Variants in PCNX2 observed in about 807,000 individuals in gnomAD.
The protein encoded by PCNX2 is pecanex 2, also known as pecanex-like protein 2.
A neutral mutation model predicts 223.8 loss-of-function variants in PCNX2; 168 were observed. The observed-to-expected ratio is 0.75, with a 90% confidence interval of 0.66 to 0.85. The LOEUF is 0.85. Among genes scored for constraint, PCNX2 ranks in the 40% least tolerant of loss-of-function variants. PCNX2 has a pLI of 0.00. For missense variants in PCNX2, 2,507 were observed against 2,675.5 expected (o/e 0.94, Z 1.39); for synonymous variants, 1,006 against 1,052.6 (o/e 0.96, Z 0.86).
intron 23 of PCNX2, among the ~76,000 whole-genome samples, chr1:233,079,462 A>C (rs193076727): frequency 1.2e-3 from 170 of 145,782 alleles, no homozygotes; most frequent in Non-Finnish European, 1.9e-3. Flanking sequence ...GAGGAGGAGG[A>C]GGTTGCAATG....
At chr1:233,165,538 T>C (rs1042383937) in intron 17 of PCNX2, among the ~76,000 whole-genome samples, 1 of 152,198 alleles carries the variant, frequency 6.6e-6, no homozygotes, top group Non-Finnish European at 1.5e-5. Flanking sequence ...TGGTATCTAA[T>C]TGTGGTTTTA....
Position 233,295,604 on chromosome 1 carries a change from G to GCCCCCGCCGCCT in PCNX2, c.-138_-127dup. 9.8e-7 allele frequency: 1 copy of GCCCCCGCCGCCT among 1,017,614 alleles called. No individual in the cohort carries two copies. Among genetic ancestry groups the GCCCCCGCCGCCT allele is most frequent in the Non-Finnish European group, 1.3e-6 (1 of 783,002 alleles). The allele number at this position is 1,017,614 out of a possible 1,614,324, so 63.0% of individuals were successfully genotyped here. A position where few individuals can be genotyped will look rare whatever the true frequency, so the allele number is the denominator to read the frequency against. ...CGCCCCCGCCGTCGCCGCCGCCGTC[G>GCCCCCGCCGCCT]CCCCCGCCGCCTCCTTCCACCCCAC... On this transcript the variant is annotated 5_prime_UTR_variant, in exon 1 of 34. Coordinates refer to ENST00000258229, the MANE Select transcript of PCNX2 (RefSeq NM_014801.4). The surrounding 1 kb of genome is among the most constrained non-coding windows in gnomAD (Gnocchi z 4.1).
chr1:233,290,478 C>T (rs1347508966), intron 1 of PCNX2, among the ~76,000 whole-genome samples: 1 of 152,158 alleles, frequency 6.6e-6, no homozygotes, highest in East Asian at 1.9e-4. Flanking sequence ...AAAATTATTT[C>T]AGCTTTGTTG....
rs1369640965 is a variant in PCNX2 at position 233,135,146 on chromosome 1, C to T, written c.3704G>A (p.Arg1235Gln). ...LMIIAGMKLL[R>Q]TSFCNPVYQF... ...GTAAACCGGGTTGCAGAATGATGTC[C>T]GCAACAGCTTCATGCCAGCAATGAT... The change falls in exon 21 of 34, where the codon CGG becomes CAG. Residue 1235 changes from arginine (R) to glutamine (Q), a missense_variant. Arg to Gln is a conservative substitution (Grantham distance 43). Transcript: ENST00000258229. 9 of 1,613,698 alleles carry T rather than the reference C, an allele frequency of 5.6e-6. No individual in the cohort carries two copies. Among genetic ancestry groups the T allele is most frequent in the Admixed American group, 3.3e-5 (2 of 59,984 alleles).
At chr1:233,278,491 T>C (rs1482406727) in intron 1 of PCNX2, among the ~76,000 whole-genome samples, 1 of 152,092 alleles carries the variant, frequency 6.6e-6, no homozygotes, top group East Asian at 1.9e-4. Context: ...ATCACCATGA[T>C]GGAAAGGGGG....
chr1:233,033,792 T>C (rs887966134), intron 25 of PCNX2, among the ~76,000 whole-genome samples: 9 of 152,238 alleles, frequency 5.9e-5, no homozygotes, highest in African/African-American at 1.9e-4. Context: ...CTAGAAACTC[T>C]TGAGGACTGG....
intron 25 of PCNX2, 165 bp from the exon 26 acceptor site, chr1:233,025,564 T>C (rs924838399): frequency 5.0e-6 from 4 of 799,596 alleles, no homozygotes; most frequent in Non-Finnish European, 7.7e-6. Flanking sequence ...GTCACAATTC[T>C]CATAATCATG....
intron 25 of PCNX2, among the ~76,000 whole-genome samples, chr1:233,032,696 G>A (rs1000488213): frequency 2.0e-5 from 3 of 152,018 alleles, no homozygotes; most frequent in Admixed American, 6.6e-5. Context: ...AGAAGATGGC[G>A]AATTTGAATT....
chr1:233,141,862 G>T (rs571054030), intron 19 of PCNX2, among the ~76,000 whole-genome samples: 1 of 151,820 alleles, frequency 6.6e-6, no homozygotes, highest in African/African-American at 2.4e-5. Context: ...GAATGGGCTA[G>T]GAATGGTGAG....
chr1:233,251,105 T>C (rs1157350449), intron 7 of PCNX2, among the ~76,000 whole-genome samples: 1 of 152,228 alleles, frequency 6.6e-6, no homozygotes, highest in Admixed American at 6.5e-5. Flanking sequence ...TATTATTTAA[T>C]TGCTTTTGAT....
At chr1:233,302,082 T>TATAGTG in the PCNX2 span, among the ~76,000 whole-genome samples, 7 of 151,930 alleles carry the variant, frequency 4.6e-5, no homozygotes, top group South Asian at 1.5e-3. Flanking sequence ...AGTGAACCAC[T>TATAGTG]GCGCCCAGCC....
At chr1:233,125,973 G>A (rs1167591485) in intron 21 of PCNX2, 1 of 152,280 alleles carries the variant, frequency 6.6e-6, no homozygotes, top group Non-Finnish European at 1.5e-5. Context: ...ACTTTGGGAG[G>A]CCGAGGCAGG....
chr1:233,244,648 T>C (rs576055973), intron 8 of PCNX2, among the ~76,000 whole-genome samples: 110 of 152,072 alleles, frequency 7.2e-4, no homozygotes, highest in Non-Finnish European at 5.1e-4. Flanking sequence ...GAGGCAGAAG[T>C]TGTGGTGAGC....
At chr1:233,004,002 G>T (rs887672522) in intron 28 of PCNX2, among the ~76,000 whole-genome samples, 13 of 152,108 alleles carry the variant, frequency 8.5e-5, no homozygotes, top group African/African-American at 2.4e-4. Flanking sequence ...GGGCCTGTTG[G>T]AGGGTGAGGG....
chr1:233,105,034 C>T (rs746038596), intron 21 of PCNX2, among the ~76,000 whole-genome samples: 3 of 152,066 alleles, frequency 2.0e-5, no homozygotes, highest in Non-Finnish European at 4.4e-5. Flanking sequence ...GAAGATATTG[C>T]CTTAAAATGT....
At position 233,016,851 on chromosome 1, in the gene PCNX2, A is replaced by G. The variant is rs1437129190; in HGVS notation, c.4839+70T>C. The G allele has an allele frequency of 1.2e-5, 19 of 1,554,296 alleles. No individual in the cohort carries two copies. The Admixed American group carries it at 3.1e-4, about 25-fold the overall frequency. On this transcript the variant is annotated intron_variant, in intron 27 of 33. Transcript: ENST00000258229. ...GTCTACCATAGAATATAAGAAAGAG[A>G]TGGACATGACAATGTTCTTTATTTA... is the stretch of plus-strand genomic sequence containing the variant.
At position 233,025,205 on chromosome 1, in the gene PCNX2, C is replaced by T. The variant is rs1326392273; in HGVS notation, c.4546G>A (p.Ala1516Thr). 2.5e-6 allele frequency: 4 copies of T among 1,613,968 alleles called. No homozygotes were observed. The highest frequency in any genetic ancestry group is 2.2e-5 in the South Asian group (2 of 91,080). ...LEGYSILDNNAATMLQVFDLR... is the reference protein window; with the variant it reads ...LEGYSILDNNTATMLQVFDLR... ...TCAAACACCTGCAGCATGGTGGCCG[C>T]GTTGTTGTCCAGGATGCTGTAGCCC... Residue 1516 changes from alanine (A) to threonine (T), a missense_variant, in exon 26 of 34, where the codon GCG becomes ACG. Transcript: ENST00000258229.
chr1:233,122,226 A>G (rs1430870005), intron 21 of PCNX2, among the ~76,000 whole-genome samples: 1 of 152,206 alleles, frequency 6.6e-6, no homozygotes, highest in African/African-American at 2.4e-5. Flanking sequence ...AATAAATAAT[A>G]GATTATAACC....
the PCNX2 span, among the ~76,000 whole-genome samples, chr1:233,317,439 C>CAAAG: frequency 8.6e-6 from 1 of 116,178 alleles, no homozygotes; most frequent in Non-Finnish European, 1.9e-5. Flanking sequence ...AACAAACAAA[C>CAAAG]CAAACCAAAA....
Sources: gnomAD v4.1 joint callset for allele counts (sites outside exome capture counted in the v4.1 genomes callset) on GRCh38, gnomAD v4.1.1 for gene constraint, Gnocchi (gnomAD v3.1) non-coding constraint, MANE v1.5 for transcripts, NCBI Gene and HGNC (gene_info 2026-07-23, HGNC 2026-07-21) for gene names.